The following PPFIA2 variants were observed in gnomAD, a reference collection of about 807,000 sequenced individuals.
PPFIA2 encodes PPFI scaffold protein A2, also known as liprin-alpha-2.
A neutral mutation model predicts 175.5 loss-of-function variants in PPFIA2; 46 were observed. The ratio of observed to expected loss-of-function variants is 0.26; its 90% confidence interval spans 0.21 to 0.34. PPFIA2 has a LOEUF of 0.34. Among genes scored for constraint, PPFIA2 ranks in the 10% least tolerant of loss-of-function variants. The pLI, the probability that PPFIA2 is intolerant of heterozygous loss-of-function variation, is 1.00. For missense variants in PPFIA2, 1,179 were observed against 1,506.1 expected (o/e 0.78, Z 3.60); for synonymous variants, 568 against 511.4 (o/e 1.11, Z -1.49).
chr12:81,313,292 G>GA (rs2051420248), intron 22 of PPFIA2, among the ~76,000 whole-genome samples: 2 of 151,972 alleles, frequency 1.3e-5, no homozygotes, highest in Admixed American at 6.6e-5. Context: ...TAACAAAATA[G>GA]AAAGCAGAAA....
At chr12:81,480,979 A>G (rs2058142998) in intron 4 of PPFIA2, among the ~76,000 whole-genome samples, 1 of 152,214 alleles carries the variant, frequency 6.6e-6, no homozygotes, top group African/African-American at 2.4e-5. Flanking sequence ...ATAATTGTAT[A>G]TTTGGAAAAC....
chr12:81,581,095 G>A (rs1033127481), intron 4 of PPFIA2, among the ~76,000 whole-genome samples: 4 of 151,032 alleles, frequency 2.6e-5, no homozygotes, highest in African/African-American at 9.7e-5. Context: ...GGGAAAGGAT[G>A]GCACAGAAAG....
At chr12:81,641,242 T>C (rs1223323322) in intron 4 of PPFIA2, among the ~76,000 whole-genome samples, 1 of 152,186 alleles carries the variant, frequency 6.6e-6, no homozygotes, top group Non-Finnish European at 1.5e-5. Context: ...TCTCATTAAC[T>C]AAGTCACCTA....
At position 81,374,688 on chromosome 12, in the gene PPFIA2, T is replaced by A. The variant is rs760592209; in HGVS notation, c.1212A>T (p.Glu404Asp). ...QKLQQTMRKA[E>D]TLPEVEAELA... ...GTTCAGCCTCTACTTCAGGCAAGGTTTCAGCCTTTCTCATGGTCTGCTGCA... is the reference window on the plus strand; with the variant it reads ...GTTCAGCCTCTACTTCAGGCAAGGTATCAGCCTTTCTCATGGTCTGCTGCA... The change falls in exon 11 of 33, where the codon GAA (glutamate) becomes GAT (aspartate). Residue 404 changes from glutamate (E) to aspartate (D), a missense_variant. Coordinates refer to ENST00000549396, the MANE Select transcript of PPFIA2 (RefSeq NM_003625.5). 6.2e-7 allele frequency: 1 copy of A among 1,613,464 alleles called. No homozygotes were observed. Among genetic ancestry groups the A allele is most frequent in the Non-Finnish European group, 8.5e-7 (1 of 1,179,602 alleles).
intron 3 of PPFIA2, among the ~76,000 whole-genome samples, chr12:81,732,010 C>A (rs1173111532): frequency 6.6e-6 from 1 of 151,370 alleles, no homozygotes; most frequent in Non-Finnish European, 1.5e-5. Flanking sequence ...ATTCTTCAAG[C>A]CTATGTCACA....
At chr12:81,359,884 T>TA (rs2061372274) in intron 15 of PPFIA2, among the ~76,000 whole-genome samples, 1 of 151,976 alleles carries the variant, frequency 6.6e-6, no homozygotes, top group South Asian at 2.1e-4. Context: ...AGGCCCTCTA[T>TA]AACTTGGGCC....
chr12:81,280,807 A>T (rs1249848229), intron 27 of PPFIA2, among the ~76,000 whole-genome samples: 1 of 152,136 alleles, frequency 6.6e-6, no homozygotes, highest in African/African-American at 2.4e-5. Flanking sequence ...AAAAAAACAC[A>T]AATATGTCTT....
intron 4 of PPFIA2, among the ~76,000 whole-genome samples, chr12:81,498,428 G>A (rs1325077302): frequency 2.0e-5 from 3 of 151,984 alleles, no homozygotes; most frequent in African/African-American, 4.8e-5. Flanking sequence ...ATCTTCACAG[G>A]TTTGAAGAGT....
chr12:81,386,300 T>A, intron 8 of PPFIA2, among the ~76,000 whole-genome samples: 1 of 148,362 alleles, frequency 6.7e-6, no homozygotes, highest in South Asian at 2.1e-4. Flanking sequence ...AATAAATAAA[T>A]AAATAAATAA....
At chr12:81,756,306 T>C (rs1225879468) in intron 2 of PPFIA2, among the ~76,000 whole-genome samples, 1 of 152,118 alleles carries the variant, frequency 6.6e-6, no homozygotes, top group Admixed American at 6.5e-5. Flanking sequence ...TGAATGAAAG[T>C]TATTAATCCC....
At chr12:81,656,615 T>C (rs1344573328) in intron 4 of PPFIA2, among the ~76,000 whole-genome samples, 1 of 152,038 alleles carries the variant, frequency 6.6e-6, no homozygotes, top group Non-Finnish European at 1.5e-5. Context: ...AAGAAAAATT[T>C]TTAAAAATAG....
At chr12:81,501,424 A>T (rs1317740423) in intron 4 of PPFIA2, among the ~76,000 whole-genome samples, 5 of 152,148 alleles carry the variant, frequency 3.3e-5, no homozygotes, top group Non-Finnish European at 2.9e-5. Context: ...TATCTAGCAT[A>T]TAATACATTT....
intron 4 of PPFIA2, among the ~76,000 whole-genome samples, chr12:81,549,192 T>C (rs751725639): frequency 3.9e-5 from 6 of 152,096 alleles, no homozygotes; most frequent in Non-Finnish European, 8.8e-5. Flanking sequence ...TTCATTTATA[T>C]ACAGTTCTAG....
intron 7 of PPFIA2, among the ~76,000 whole-genome samples, chr12:81,418,394 T>C (rs1455586403): frequency 1.3e-5 from 2 of 151,994 alleles, no homozygotes; most frequent in African/African-American, 4.8e-5. Context: ...CTTTTATTGC[T>C]CCTTATTTCT....
intron 3 of PPFIA2, among the ~76,000 whole-genome samples, chr12:81,740,754 A>G (rs1008824048): frequency 6.6e-6 from 1 of 152,184 alleles, no homozygotes; most frequent in African/African-American, 2.4e-5. Flanking sequence ...GGTTAAATAG[A>G]AACTCATCTT....
intron 3 of PPFIA2, among the ~76,000 whole-genome samples, chr12:81,706,668 C>CTCAGGGG (rs1183738981): frequency 6.6e-6 from 1 of 152,108 alleles, no homozygotes; most frequent in Non-Finnish European, 1.5e-5. Context: ...AGTTAGGCTG[C>CTCAGGGG]TCAGGGGTCA....
chr12:81,608,308 T>C (rs910818685), intron 4 of PPFIA2, among the ~76,000 whole-genome samples: 6 of 152,242 alleles, frequency 3.9e-5, no homozygotes, highest in South Asian at 4.1e-4. Context: ...TCTGGCTTCA[T>C]AGAATGAGTT....
At chr12:81,552,815 ATTTTTGATGATGTAGGT>A (rs1338770470) in intron 4 of PPFIA2, among the ~76,000 whole-genome samples, 1 of 152,096 alleles carries the variant, frequency 6.6e-6, no homozygotes, top group African/African-American at 2.4e-5. Flanking sequence ...AGCTTTAGTC[ATTTTTGATGATGTAGGT>A]TACCCAGAGA....
chr12:81,266,357 G>A (rs894068324), intron 30 of PPFIA2, among the ~76,000 whole-genome samples: 5 of 152,006 alleles, frequency 3.3e-5, no homozygotes, highest in Admixed American at 6.6e-5. Context: ...CATTCATCTC[G>A]GGAGGCTACT....
Sources: gnomAD v4.1 joint callset for allele counts (sites outside exome capture counted in the v4.1 genomes callset) on GRCh38, gnomAD v4.1.1 for gene constraint, MANE v1.5 for transcripts, NCBI Gene and HGNC (gene_info 2026-07-23, HGNC 2026-07-21) for gene names.